The following SHANK2 variants were observed in gnomAD, a reference collection of about 807,000 sequenced individuals.
SHANK2 encodes SH3 and multiple ankyrin repeat domains protein 2.
In SHANK2, 43 loss-of-function variants were observed where a neutral mutation model predicts 133.7. That is an observed-to-expected ratio of 0.32 (90% CI 0.25 to 0.41). SHANK2 has a LOEUF of 0.41. SHANK2 is among the 10% of genes least tolerant of loss of function. The probability of loss-of-function intolerance (pLI) is 1.00; values close to 1 mark genes in which losing one functional copy is unlikely to be tolerated. For synonymous variants in SHANK2, 1,017 were observed against 952.8 expected (o/e 1.07, Z -1.24); for missense variants, 1,994 against 2,235.8 (o/e 0.89, Z 2.18).
intron 2 of SHANK2, among the ~76,000 whole-genome samples, chr11:71,155,055 A>G (rs1952876574): frequency 8.1e-6 from 1 of 123,004 alleles, no homozygotes; most frequent in African/African-American, 3.1e-5. Flanking sequence ...AGAGAGGTGG[A>G]CCTACCCCAG....
chr11:71,154,371 C>G (rs1218047588), intron 2 of SHANK2, among the ~76,000 whole-genome samples: 11 of 152,122 alleles, frequency 7.2e-5, no homozygotes, highest in Admixed American at 2.0e-4. Flanking sequence ...AGAGCAAGTG[C>G]GAGGGTGTGG....
chr11:70,853,661 G>A (rs1421698490), intron 11 of SHANK2, among the ~76,000 whole-genome samples: 5 of 152,160 alleles, frequency 3.3e-5, no homozygotes, highest in African/African-American at 9.7e-5. Flanking sequence ...TACAGGATGC[G>A]TCCCATGTTC....
At chr11:70,821,533 C>T (rs538913162) in intron 11 of SHANK2, among the ~76,000 whole-genome samples, 17 of 152,172 alleles carry the variant, frequency 1.1e-4, no homozygotes, top group Non-Finnish European at 1.9e-4. Flanking sequence ...TCAAACAATT[C>T]TCCTGCCTCA....
chr11:71,208,432 T>C (rs1555118359), intron 2 of SHANK2, among the ~76,000 whole-genome samples: 4 of 152,124 alleles, frequency 2.6e-5, no homozygotes, highest in African/African-American at 9.7e-5. Flanking sequence ...CCATAAACCC[T>C]AGCCCGATGC....
chr11:70,796,429 A>C (rs1947915676), intron 14 of SHANK2, among the ~76,000 whole-genome samples: 1 of 152,212 alleles, frequency 6.6e-6, no homozygotes, highest in Non-Finnish European at 1.5e-5. Context: ...TCCTTCCAAC[A>C]AAAGAGTAGA....
At chr11:71,250,210 C>T (rs1397746462) in intron 1 of SHANK2, among the ~76,000 whole-genome samples, 1 of 152,170 alleles carries the variant, frequency 6.6e-6, no homozygotes, top group Admixed American at 6.5e-5. Context: ...AAATCACCTA[C>T]TTGTAAAGAG....
chr11:70,926,410 A>G (rs965317727), intron 10 of SHANK2, among the ~76,000 whole-genome samples: 2 of 152,228 alleles, frequency 1.3e-5, no homozygotes, highest in Non-Finnish European at 2.9e-5. Flanking sequence ...CCTGGGTGAC[A>G]GAGCAAGACC....
chr11:70,613,171 G>A (rs534323950), intron 17 of SHANK2, among the ~76,000 whole-genome samples: 1 of 152,268 alleles, frequency 6.6e-6, no homozygotes, highest in East Asian at 1.9e-4. Context: ...TTTCTAAAGA[G>A]GTTGCAAGAT....
At chr11:70,662,104 C>G (rs1432310979) in intron 15 of SHANK2, 2 of 415,840 alleles carry the variant, frequency 4.8e-6, no homozygotes, top group South Asian at 2.4e-5. Flanking sequence ...CGGCTTGTCC[C>G]GACCACACGC....
intron 15 of SHANK2, among the ~76,000 whole-genome samples, chr11:70,685,632 T>C (rs2134410004): frequency 6.6e-6 from 1 of 152,254 alleles, no homozygotes; most frequent in East Asian, 1.9e-4. Flanking sequence ...TTTGTAATCC[T>C]AAGCATGGGG....
At chr11:70,888,149 C>T (rs1411759239) in intron 11 of SHANK2, among the ~76,000 whole-genome samples, 7 of 150,854 alleles carry the variant, frequency 4.6e-5, no homozygotes, top group South Asian at 2.1e-4. Flanking sequence ...AGGCCAGGAA[C>T]GGACAAAAGA....
At chr11:70,752,198 C>G (rs78974399) in intron 14 of SHANK2, among the ~76,000 whole-genome samples, 3 of 152,092 alleles carry the variant, frequency 2.0e-5, no homozygotes, top group Non-Finnish European at 2.9e-5. Flanking sequence ...ATCCCTCCCC[C>G]CTTGGCCTCC....
intron 2 of SHANK2, among the ~76,000 whole-genome samples, chr11:71,170,299 C>A (rs1953287500): frequency 6.6e-6 from 1 of 152,120 alleles, no homozygotes; most frequent in Admixed American, 6.5e-5. Flanking sequence ...TAGACTAGAA[C>A]AACGTAGTGG....
intron 14 of SHANK2, among the ~76,000 whole-genome samples, chr11:70,711,210 C>A (rs1000054331): frequency 1.3e-5 from 2 of 152,336 alleles, no homozygotes; most frequent in Non-Finnish European, 2.9e-5. Context: ...GCTCCTGCAA[C>A]GTGCAGCCTT....
intron 11 of SHANK2, among the ~76,000 whole-genome samples, chr11:70,876,372 A>ACT (rs1949565139): frequency 2.7e-5 from 4 of 150,928 alleles, no homozygotes; most frequent in African/African-American, 9.7e-5. Flanking sequence ...CATCCTGGCT[A>ACT]ACACGGTGAA....
chr11:70,901,507 T>C (rs949299549), intron 10 of SHANK2, among the ~76,000 whole-genome samples: 1 of 152,132 alleles, frequency 6.6e-6, no homozygotes, highest in Non-Finnish European at 1.5e-5. Flanking sequence ...AGTGAAGAAA[T>C]GAGAACTCTG....
intron 10 of SHANK2, chr11:70,942,968 A>C (rs1427613075): frequency 2.2e-6 from 1 of 448,818 alleles, no homozygotes; most frequent in African/African-American, 2.0e-5. Flanking sequence ...AGCACTTTAA[A>C]GTTTAGCTTG....
rs186415478 is a variant in SHANK2, at chr11:71,211,488, C to T, written c.-13+13209G>A. 5.3e-3 allele frequency among the ~76,000 whole-genome samples: 800 copies of T among 151,790 alleles called. 4 individuals are homozygous for T. The highest frequency in any genetic ancestry group is 0.019 in the African/African-American group (771 of 41,404). ...GGGAGGTCAAAGCTGCAGTGAGCCA[C>T]GGTTGTGCCACTGCCCTCCAGCCTG... On this transcript the variant is annotated intron_variant, in intron 2 of 25. Coordinates refer to ENST00000601538, the MANE Select transcript of SHANK2 (RefSeq NM_012309.5).
chr11:71,114,845 A>G (rs1555100036), intron 4 of SHANK2, among the ~76,000 whole-genome samples: 2 of 152,098 alleles, frequency 1.3e-5, no homozygotes, highest in African/African-American at 4.8e-5. Context: ...GTCTCAGGGA[A>G]TTCAATTCCA....
Sources: gnomAD v4.1 joint callset for allele counts (sites outside exome capture counted in the v4.1 genomes callset) on GRCh38, gnomAD v4.1.1 for gene constraint, MANE v1.5 for transcripts, NCBI Gene and HGNC (gene_info 2026-07-23, HGNC 2026-07-21) for gene names.